The following NRG1 variants were observed in gnomAD, a reference collection of about 807,000 sequenced individuals.
NRG1 encodes the protein pro-neuregulin-1, membrane-bound isoform.
NRG1 carries 18 observed loss-of-function variants against 63.8 expected under a neutral mutation model. The ratio of observed to expected loss-of-function variants is 0.28; its 90% CI spans 0.19 to 0.42. The LOEUF (loss-of-function observed/expected upper bound fraction) is 0.42, where lower values mean the gene tolerates loss of function less well. Among genes scored for constraint, NRG1 ranks in the 10% least tolerant of loss-of-function variants. The pLI, the probability that NRG1 is intolerant of heterozygous loss-of-function variation, is 1.00. For missense variants in NRG1, 762 were observed against 814.7 expected, an observed-to-expected ratio of 0.94 and a Z score of 0.79; for synonymous variants, 302 against 301.3, an observed-to-expected ratio of 1.00 and a Z score of -0.02.
intron 1 of NRG1, among the ~76,000 whole-genome samples, chr8:31,838,203 A>G (rs1033519121): frequency 1.3e-5 from 2 of 152,082 alleles, no homozygotes; most frequent in Non-Finnish European, 2.9e-5. Context: ...TTATTAAGCA[A>G]TCCATCTTTT....
intron 1 of NRG1, among the ~76,000 whole-genome samples, chr8:32,261,329 A>C (rs1288059267): frequency 1.3e-5 from 2 of 151,668 alleles, no homozygotes; most frequent in Non-Finnish European, 2.9e-5. Flanking sequence ...AATGTTTACA[A>C]AAACAAGACC....
At chr8:31,779,199 T>A (rs1819441608) in intron 1 of NRG1, among the ~76,000 whole-genome samples, 1 of 152,190 alleles carries the variant, frequency 6.6e-6, no homozygotes, top group Non-Finnish European at 1.5e-5. Flanking sequence ...TGGTAGCCAC[T>A]TCTCAAGGTT....
At chr8:32,584,759 T>C (rs1262077454) in intron 1 of NRG1, among the ~76,000 whole-genome samples, 3 of 152,242 alleles carry the variant, frequency 2.0e-5, no homozygotes, top group Non-Finnish European at 4.4e-5. Flanking sequence ...TTTAAATGGC[T>C]ATGTGAAAAA....
chr8:32,015,754 C>T (rs1815425286), intron 1 of NRG1, among the ~76,000 whole-genome samples: 1 of 152,070 alleles, frequency 6.6e-6, no homozygotes. Flanking sequence ...ATCTAGTTTT[C>T]ATGTAAGTCC....
chr8:31,657,296 A>G (rs1419555177), intron 1 of NRG1, among the ~76,000 whole-genome samples: 1 of 152,198 alleles, frequency 6.6e-6, no homozygotes, highest in Non-Finnish European at 1.5e-5. Flanking sequence ...ACAAATTTTT[A>G]AAAATGGGGG....
chr8:32,096,295 T>A (rs1326188932), intron 1 of NRG1, among the ~76,000 whole-genome samples: 1 of 152,206 alleles, frequency 6.6e-6, no homozygotes, highest in Non-Finnish European at 1.5e-5. Flanking sequence ...TTAAAAATTT[T>A]TCGTTGATAC....
At chr8:32,299,097 C>T (rs143432664) in intron 1 of NRG1, among the ~76,000 whole-genome samples, 9 of 149,088 alleles carry the variant, frequency 6.0e-5, no homozygotes, top group Non-Finnish European at 1.0e-4. Context: ...ACCAGAGTTA[C>T]GACTGCTATA....
intron 5 of NRG1, among the ~76,000 whole-genome samples, chr8:32,724,763 G>A (rs892528491): frequency 2.0e-5 from 3 of 152,100 alleles, no homozygotes; most frequent in African/African-American, 7.2e-5. Flanking sequence ...ATCATTTTTT[G>A]ATCTCACTAC....
chr8:31,842,604 C>CG (rs1334030420), intron 1 of NRG1, among the ~76,000 whole-genome samples: 1 of 152,148 alleles, frequency 6.6e-6, no homozygotes, highest in Non-Finnish European at 1.5e-5. Context: ...CCTTCCTGCA[C>CG]TTTTATCACA....
At chr8:32,616,289 T>G (rs1274938601) in intron 4 of NRG1, among the ~76,000 whole-genome samples, 1 of 152,080 alleles carries the variant, frequency 6.6e-6, no homozygotes, top group Admixed American at 6.6e-5. Flanking sequence ...CATGGTTTGT[T>G]TGATCCTAAT....
chr8:31,734,081 A>G (rs760582861), intron 1 of NRG1, among the ~76,000 whole-genome samples: 1 of 152,072 alleles, frequency 6.6e-6, no homozygotes, highest in Non-Finnish European at 1.5e-5. Context: ...TGGCTCATGC[A>G]TGTAATCCCA....
chr8:32,763,113 G>A, intron 11 of NRG1: 1 of 1,177,960 alleles, frequency 8.5e-7, no homozygotes, highest in South Asian at 1.4e-5. Flanking sequence ...GTTCCAAATT[G>A]AATGTTAACT....
rs1417208786 is a variant in NRG1 at position 32,121,241 on chromosome 8, C to T, written c.38-474587C>T. ...GTTTTGTTTTGTTTTGTTTCCACTC[C>T]GTTCAGTGTGTATATAAAGTTAATG... On this transcript the variant is annotated intron_variant, in intron 1 of 10. Coordinates refer to the NRG1 transcript ENST00000519301. Among the ~76,000 whole-genome samples, 5 of 151,954 alleles carry T rather than the reference C, an allele frequency of 3.3e-5. No individual in the cohort carries two copies. The South Asian group carries it at 8.3e-4, about 25-fold the overall frequency.
intron 1 of NRG1, among the ~76,000 whole-genome samples, chr8:32,536,919 T>G (rs1832032967): frequency 1.7e-4 from 2 of 11,910 alleles, no homozygotes; most frequent in Non-Finnish European, 2.6e-4. Flanking sequence ...CAAGACTCCG[T>G]CTCAAAAAAA....
chr8:32,282,637 C>G (rs79057494), intron 1 of NRG1, among the ~76,000 whole-genome samples: 2 of 152,176 alleles, frequency 1.3e-5, no homozygotes, highest in Admixed American at 1.3e-4. Context: ...TCAAGGTCTT[C>G]TTTCCATTAT....
At chr8:31,779,541 C>T (rs1360660905) in intron 1 of NRG1, among the ~76,000 whole-genome samples, 2 of 151,976 alleles carry the variant, frequency 1.3e-5, no homozygotes, top group South Asian at 2.1e-4. Flanking sequence ...CCAAAATTTC[C>T]ACTGTAATAG....
At chr8:32,048,832 G>A (rs903360255) in intron 1 of NRG1, among the ~76,000 whole-genome samples, 3 of 151,898 alleles carry the variant, frequency 2.0e-5, no homozygotes, top group Admixed American at 2.0e-4. Flanking sequence ...TTGCTGTTGA[G>A]TTGTTTGAGT....
chr8:32,771,727 T>A (rs1831819791), downstream of NRG1, among the ~76,000 whole-genome samples: 1 of 130,440 alleles, frequency 7.7e-6, no homozygotes, highest in South Asian at 2.6e-4. Flanking sequence ...TATATATATA[T>A]ATATATATAT....
At chr8:32,579,995 A>T (rs1181400558) in intron 1 of NRG1, among the ~76,000 whole-genome samples, 1 of 152,276 alleles carries the variant, frequency 6.6e-6, no homozygotes, top group South Asian at 2.1e-4. Context: ...CCAAGGGAAG[A>T]TAATCTCCTT....
Sources: allele counts gnomAD v4.1 joint callset (sites outside exome capture counted in the v4.1 genomes callset), GRCh38; gene constraint gnomAD v4.1.1; transcripts MANE v1.5; gene names NCBI Gene and HGNC (gene_info 2026-07-23, HGNC 2026-07-21).